The following ADAP1 variants were observed in gnomAD, a reference collection of about 807,000 sequenced individuals.
ADAP1 encodes the protein ArfGAP with dual PH domains 1.
ADAP1 carries 31 observed loss-of-function variants against 54.9 expected under a neutral mutation model. That is an observed-to-expected ratio of 0.56 (90% CI 0.42 to 0.76). The LOEUF (loss-of-function observed/expected upper bound fraction) is 0.76. Among genes scored for constraint, ADAP1 ranks in the 30% least tolerant of loss-of-function variants. ADAP1 has a pLI of 0.00. For missense variants in ADAP1, 535 were observed against 512.4 expected (o/e 1.04, Z -0.42); for synonymous variants, 313 against 202.6 (o/e 1.55, Z -4.63).
chr7:904,485 G>T (rs1458010583), intron 5 of ADAP1, among the ~76,000 whole-genome samples: 1 of 152,156 alleles, frequency 6.6e-6, no homozygotes, highest in Non-Finnish European at 1.5e-5. Context: ...CAACGACACT[G>T]TGCAGGTGGC....
At chr7:908,835 C>A (rs1845587167) in intron 4 of ADAP1, among the ~76,000 whole-genome samples, 1 of 152,234 alleles carries the variant, frequency 6.6e-6, no homozygotes, top group Admixed American at 6.5e-5. Flanking sequence ...GTCCGTGTCA[C>A]CAATGCAGAC....
chr7:923,611 T>C (rs1033595458), intron 3 of ADAP1, among the ~76,000 whole-genome samples: 1 of 151,958 alleles, frequency 6.6e-6, no homozygotes, highest in Non-Finnish European at 1.5e-5. Context: ...TCCCCTCTTA[T>C]AGCTGGGCAA....
At chr7:905,852 G>GGAGAAA (rs1845239753) in intron 4 of ADAP1, among the ~76,000 whole-genome samples, 1 of 46,858 alleles carries the variant, frequency 2.1e-5, no homozygotes, top group Non-Finnish European at 5.1e-5. Context: ...GAAGGGAGAA[G>GGAGAAA]GGAGAAGGGA....
chr7:937,182 CTG>C lies in ADAP1; in HGVS notation c.83-1679_83-1678del, dbSNP rs1283662693. On this transcript the variant is annotated intron_variant, in intron 1 of 10. Coordinates refer to ENST00000265846, the MANE Select transcript of ADAP1 (RefSeq NM_006869.4). ...GGGATTTGGGGGTCACGCCCGACCT[CTG>C]GGATTTGGGGGTCACGCCCGACCTC... 4.8e-3 allele frequency among the ~76,000 whole-genome samples: 392 copies of C among 80,932 alleles called. 9 individuals are homozygous for C. Among genetic ancestry groups the C allele is most frequent in the Non-Finnish European group, 7.4e-3 (276 of 37,520 alleles). 53.1% of individuals were successfully genotyped at this position (80,932 alleles called of 152,430 possible).
Position 927,036 on chromosome 7 carries a change from C to T in ADAP1, c.214-392G>A, listed in dbSNP as rs752285939. 12 of 1,261,564 alleles carry T rather than the reference C, an allele frequency of 9.5e-6. No individual in the cohort carries two copies. The African/African-American group carries it at 1.7e-4, about 18-fold the overall frequency. 78.1% of individuals were successfully genotyped at this position (1,261,564 alleles called of 1,614,324 possible). A position where few individuals can be genotyped will look rare whatever the true frequency, so the allele number is the denominator to read the frequency against. ...CCCAGAGAGCGAGGGCTTCCTCGTT[C>T]ACCCAGCTCCCCAGCTCACATTTAG... On this transcript the variant is annotated intron_variant, in intron 2 of 10. Transcript: ENST00000265846.
Position 920,317 on chromosome 7 carries a change from T to C in ADAP1, c.306-267A>G, listed in dbSNP as rs1014825217. On this transcript the variant is annotated intron_variant, in intron 3 of 10. Transcript: ENST00000265846. The surrounding 1 kb of genome is among the most constrained non-coding windows in gnomAD (Gnocchi z 4.5). ...TCACGTTCTGCACAAGCGTTCCCGGTGGACGGGCTGGTGCCTCCCCTCTCC... is the reference window on the plus strand; with the variant it reads ...TCACGTTCTGCACAAGCGTTCCCGGCGGACGGGCTGGTGCCTCCCCTCTCC... Among the ~76,000 whole-genome samples, 1 of 152,090 alleles carries C rather than the reference T, an allele frequency of 6.6e-6. No homozygotes were observed. Among genetic ancestry groups the C allele is most frequent in the Non-Finnish European group, 1.5e-5 (1 of 68,012 alleles).
In ADAP1 at chr7:953,741, C is replaced by T. The variant is rs1253387146; in HGVS notation, c.82+655G>A. 2.0e-5 allele frequency among the ~76,000 whole-genome samples: 3 copies of T among 152,254 alleles called. No individual in the cohort carries two copies. In the East Asian group the frequency reaches 5.8e-4, roughly 29 times the overall value. ...ACTCCGCGCCTTTGGACTCCAGTGC[C>T]TTGAAATCCCACAGACCTGGGAACC... is the stretch of plus-strand genomic sequence containing the variant. On this transcript the variant is annotated intron_variant, in intron 1 of 10. Transcript: ENST00000265846.
chr7:926,599 A>C lies in ADAP1; in HGVS notation c.259T>G (p.Ser87Ala). The C allele has an allele frequency of 1.3e-6, 2 of 1,544,714 alleles. No individual in the cohort carries two copies. The highest frequency in any genetic ancestry group is 1.7e-6 in the Non-Finnish European group (2 of 1,145,246). Residue 87 changes from serine (S) to alanine (A), a missense_variant, in exon 3 of 11, where the codon TCC becomes GCC. Physicochemically the swap from Ser to Ala is moderately conservative, Grantham distance 99. Coordinates refer to ENST00000265846, the MANE Select transcript of ADAP1 (RefSeq NM_006869.4). This position sits in a 1 kb window ranked among gnomAD's most constrained non-coding sequence, Gnocchi z 4.6. ...CGGTAGTAGAAGGAGGGTACTTTGG[A>C]CTCAAACCTGGCTCTCGCGGCGTCG... ...GNDAARARFE[S>A]KVPSFYYRPT...
chr7:952,156 C>G (rs1028600160), intron 1 of ADAP1, among the ~76,000 whole-genome samples: 1 of 152,102 alleles, frequency 6.6e-6, no homozygotes, highest in African/African-American at 2.4e-5. Context: ...GGGCGAGGCC[C>G]CCTGTTCAAG....
At chr7:924,624 T>C (rs1055369704) in intron 3 of ADAP1, among the ~76,000 whole-genome samples, 2 of 149,194 alleles carry the variant, frequency 1.3e-5, no homozygotes, top group African/African-American at 2.5e-5. Flanking sequence ...TGCCCCAGCA[T>C]CCACGGCTCA....
chr7:907,181 A>G (rs961731906), intron 4 of ADAP1, among the ~76,000 whole-genome samples: 2 of 152,238 alleles, frequency 1.3e-5, no homozygotes, highest in African/African-American at 4.8e-5. Context: ...CACACCACAC[A>G]CAGCCACAGA....
intron 1 of ADAP1, among the ~76,000 whole-genome samples, chr7:944,943 G>A (rs988432435): frequency 6.6e-6 from 1 of 152,120 alleles, no homozygotes; most frequent in African/African-American, 2.4e-5. Context: ...ATGTCTTAAG[G>A]CCTCTGGTCT....
chr7:918,020 A>G (rs1846005396), intron 4 of ADAP1, among the ~76,000 whole-genome samples: 1 of 152,128 alleles, frequency 6.6e-6, no homozygotes, highest in Non-Finnish European at 1.5e-5. Context: ...AACTCCTGAG[A>G]TCAGGAGATC....
At chr7:954,048 G>A (rs1847329447) in intron 1 of ADAP1, among the ~76,000 whole-genome samples, 1 of 152,160 alleles carries the variant, frequency 6.6e-6, no homozygotes, top group Non-Finnish European at 1.5e-5. Flanking sequence ...AGCCAGCCCC[G>A]ATTTCCTCTT....
In ADAP1 at chr7:954,413, G is replaced by A. The variant is rs1450332587; in HGVS notation, c.65C>T (p.Ala22Val). 3.0e-5 allele frequency: 34 copies of A among 1,123,460 alleles called. No homozygotes were observed. Among genetic ancestry groups the A allele is most frequent in the South Asian group, 4.0e-5 (2 of 50,050 alleles). The allele number at this position is 1,123,460 out of a possible 1,614,324, so 69.6% of individuals were successfully genotyped here. Residue 22 changes from alanine (A) to valine (V), a missense_variant, in exon 1 of 11, where the codon GCG becomes GTG. Coordinates refer to ENST00000265846, the MANE Select transcript of ADAP1 (RefSeq NM_006869.4). ...ACACCTACCCGGGGCGCCGCAGTCC[G>A]CGCAGCGCGCGTTCCCCGGCCGCTG... ...LLQRPGNARC[A>V]DCGAPDPDWA...
intron 4 of ADAP1, among the ~76,000 whole-genome samples, chr7:905,860 GGAGAAGGGAGAAGGGAGAAAGGA>G (rs1845241496): frequency 3.3e-5 from 2 of 60,070 alleles, no homozygotes; most frequent in Non-Finnish European, 8.5e-5. Context: ...AAGGGAGAAG[GGAGAAGGGAGAAGGGAGAAAGGA>G]GAAAGGAGAA....
Position 920,139 on chromosome 7 carries a change from A to C in ADAP1, c.306-89T>G. On this transcript the variant is annotated intron_variant, in intron 3 of 10. Transcript: ENST00000265846. This position sits in a 1 kb window ranked among gnomAD's most constrained non-coding sequence, Gnocchi z 4.5. Reference sequence around the variant, plus strand: ...CTCTGGCCCGGACCCTGGACATCTCAAGAGGCTCATAGGGACCCCCGGCAG... The same window carrying C: ...CTCTGGCCCGGACCCTGGACATCTCCAGAGGCTCATAGGGACCCCCGGCAG... 1.6e-3 allele frequency: 1,901 copies of C among 1,215,168 alleles called. No individual in the cohort carries two copies. Among genetic ancestry groups the C allele is most frequent in the Non-Finnish European group, 2.0e-3 (1,693 of 856,280 alleles). The allele number at this position is 1,215,168 out of a possible 1,614,324, so 75.3% of individuals were successfully genotyped here. A position where few individuals can be genotyped will look rare whatever the true frequency, so the allele number is the denominator to read the frequency against.
intron 4 of ADAP1, among the ~76,000 whole-genome samples, chr7:918,999 G>A (rs964751449): frequency 2.0e-5 from 3 of 152,006 alleles, no homozygotes; most frequent in African/African-American, 7.3e-5. Flanking sequence ...TGGGGAGACC[G>A]AGGCTGGGGT....
chr7:920,421 C>G lies in ADAP1; in HGVS notation c.306-371G>C, dbSNP rs113717663. Among the ~76,000 whole-genome samples the G allele has an allele frequency of 6.7e-6, 1 of 149,812 alleles. No individual in the cohort carries two copies. The highest frequency in any genetic ancestry group is 1.5e-5 in the Non-Finnish European group (1 of 67,484). On this transcript the variant is annotated intron_variant, in intron 3 of 10. Transcript: ENST00000265846. The surrounding 1 kb of genome is among the most constrained non-coding windows in gnomAD (Gnocchi z 4.5). ...CCAGGCCCCCCCACCCCGAGTCACA[C>G]GCCCCTGGGCCCTCCCCGACCCTCC...
Sources: gnomAD v4.1 joint callset for allele counts (sites outside exome capture counted in the v4.1 genomes callset) on GRCh38, gnomAD v4.1.1 for gene constraint, Gnocchi (gnomAD v3.1) non-coding constraint, MANE v1.5 for transcripts, NCBI Gene and HGNC (gene_info 2026-07-23, HGNC 2026-07-21) for gene names.